The following SEZ6 variants were observed in gnomAD, a reference collection of about 807,000 sequenced individuals.
The protein encoded by SEZ6 is seizure related 6 homolog, also known as seizure protein 6 homolog.
A neutral mutation model predicts 101.0 loss-of-function variants in SEZ6; 53 were observed. That is an observed-to-expected ratio of 0.52 (90% confidence interval 0.42 to 0.66). The LOEUF (loss-of-function observed/expected upper bound fraction) is 0.66. Ranked by LOEUF, SEZ6 falls within the 30% of genes least tolerant of loss-of-function variation. SEZ6 has a pLI of 0.00. For synonymous variants in SEZ6, 488 were observed against 512.2 expected (o/e 0.95, Z 0.64); for missense variants, 1,102 against 1,289.4 (o/e 0.85, Z 2.23).
At chr17:28,957,567 T>C (rs982304306) in intron 11 of SEZ6, 28 bp from the exon 12 acceptor site, 2 of 1,597,662 alleles carry the variant, frequency 1.3e-6, no homozygotes, top group Non-Finnish European at 1.7e-6. Flanking sequence ...TGGGGAGAAG[T>C]AGCCCAAGGA....
chr17:28,963,216 C>G (rs1440833194), intron 5 of SEZ6, among the ~76,000 whole-genome samples: 4 of 152,144 alleles, frequency 2.6e-5, no homozygotes, highest in African/African-American at 9.7e-5. Flanking sequence ...TTTTCATTGG[C>G]AGCAATCCCA....
At position 28,957,260 on chromosome 17, in the gene SEZ6, T is replaced by G; in HGVS notation, c.2495-18A>C. On this transcript the variant is annotated intron_variant, in intron 12 of 16. Transcript: ENST00000317338. ...CTGTTCCACTACAAAGCAGGCAGAG[T>G]GCAGTGAGGGTGTCATGCCCTTGGC... The G allele has an allele frequency of 6.2e-7, 1 of 1,613,688 alleles. No homozygotes were observed. The highest frequency in any genetic ancestry group is 8.5e-7 in the Non-Finnish European group (1 of 1,179,736).
At chr17:28,956,651 A>G (rs1354559908) in intron 14 of SEZ6, 68 bp downstream of exon 14, 2 of 1,546,928 alleles carry the variant, frequency 1.3e-6, no homozygotes, top group African/African-American at 2.7e-5. Context: ...TGGGAAGCCC[A>G]TGACCTGGGA....
chr17:28,971,579 G>A (rs558607754), intron 3 of SEZ6, among the ~76,000 whole-genome samples: 12 of 151,770 alleles, frequency 7.9e-5, no homozygotes, highest in African/African-American at 2.7e-4. Flanking sequence ...GACAACAAAA[G>A]CGAAACTCCA....
At chr17:28,960,322 G>A in intron 7 of SEZ6, 183 bp downstream of exon 7, 1 of 767,708 alleles carries the variant, frequency 1.3e-6, no homozygotes, top group Non-Finnish European at 2.1e-6. Flanking sequence ...GCAAAGCTGT[G>A]GTAGGGATCC....
chr17:28,992,631 C>T (rs549158370), intron 1 of SEZ6, among the ~76,000 whole-genome samples: 16 of 152,332 alleles, frequency 1.1e-4, no homozygotes, highest in Admixed American at 5.9e-4. Context: ...TGACCTGACC[C>T]GCCCCAGGGC....
chr17:28,979,600 T>G, intron 3 of SEZ6, 80 bp downstream of exon 3: 1 of 1,592,628 alleles, frequency 6.3e-7, no homozygotes, highest in Non-Finnish European at 8.6e-7. Flanking sequence ...CATCCCCACA[T>G]CCTCTCATAG....
At chr17:28,985,239 C>G (rs2041363190) in intron 1 of SEZ6, among the ~76,000 whole-genome samples, 1 of 152,240 alleles carries the variant, frequency 6.6e-6, no homozygotes, top group Non-Finnish European at 1.5e-5. Context: ...GGCACGGACT[C>G]GTCGAAGATC....
intron 4 of SEZ6, among the ~76,000 whole-genome samples, chr17:28,966,494 A>G (rs1439470607): frequency 4.6e-5 from 7 of 152,114 alleles, no homozygotes. Context: ...AAAAAAAGTG[A>G]AGATCCTGGC....
rs773286297 is a variant in SEZ6, at chr17:28,958,010, A to G, written c.2239T>C (p.Ser747Pro). ...QCYPGYQVVG[S>P]SVLMCQWDLT... ...TCCCACTGGCACATGAGGACACTGGATCCCACTACCTGGTAGCCAGGGTAG... is the reference window on the plus strand; with the variant it reads ...TCCCACTGGCACATGAGGACACTGGGTCCCACTACCTGGTAGCCAGGGTAG... The change falls in exon 11 of 17, where the codon TCC (serine) becomes CCC (proline). Residue 747 changes from serine to proline, a missense_variant. By Grantham distance (74) the Ser-to-Pro change is moderately conservative. This residue lies in a region of SEZ6 where 556 missense variants were observed against 735.1 expected (regional missense o/e 0.76). Coordinates refer to ENST00000317338, the MANE Select transcript of SEZ6 (RefSeq NM_178860.5). 2.5e-6 allele frequency: 4 copies of G among 1,613,850 alleles called. No individual in the cohort carries two copies. The highest frequency in any genetic ancestry group is 2.5e-6 in the Non-Finnish European group (3 of 1,179,862).
intron 1 of SEZ6, among the ~76,000 whole-genome samples, chr17:28,992,553 A>G (rs1271660040): frequency 6.6e-6 from 1 of 152,136 alleles, no homozygotes; most frequent in African/African-American, 2.4e-5. Flanking sequence ...ACCCCCCAAA[A>G]GAAGGGATAT....
At chr17:28,992,489 G>C (rs1287000068) in intron 1 of SEZ6, among the ~76,000 whole-genome samples, 1 of 152,134 alleles carries the variant, frequency 6.6e-6, no homozygotes, top group South Asian at 2.1e-4. Context: ...CCTGCCCAAG[G>C]ATGCCACACC....
chr17:28,973,869 C>G (rs1329204809), intron 3 of SEZ6, among the ~76,000 whole-genome samples: 1 of 152,172 alleles, frequency 6.6e-6, no homozygotes, highest in African/African-American at 2.4e-5. Context: ...GGGGGCCAGG[C>G]AGGGGGAAGA....
Position 28,957,088 on chromosome 17 carries a change from C to T in SEZ6, c.2649G>A (p.Gly883=), listed in dbSNP as rs371674392. The change falls in exon 13 of 17, where the codon GGG becomes GGA. Residue 883 remains glycine (G), a synonymous_variant. Transcript: ENST00000317338. The part of the protein sequence containing the change: ...KGQASIKCVP[G]HPSHWSDPPP... Reference sequence around the variant, plus strand: ...GGGGGTCACTCCAATGCGAGGGGTGCCCAGGCACACACTTGATGCTGGCCT... The same window carrying T: ...GGGGGTCACTCCAATGCGAGGGGTGTCCAGGCACACACTTGATGCTGGCCT... 5.0e-5 allele frequency: 80 copies of T among 1,609,942 alleles called. No homozygotes were observed. The African/African-American group carries it at 9.2e-4, about 19-fold the overall frequency.
At chr17:28,995,353 G>A (rs1288710071) in intron 1 of SEZ6, among the ~76,000 whole-genome samples, 1 of 152,016 alleles carries the variant, frequency 6.6e-6, no homozygotes, top group Non-Finnish European at 1.5e-5. Context: ...TATGTGGGGG[G>A]GGGTGCATTA....
In SEZ6 at chr17:29,005,579, G is replaced by A. The variant is rs1391763183; in HGVS notation, c.55+236C>T. 6.6e-6 allele frequency among the ~76,000 whole-genome samples: 1 copy of A among 152,058 alleles called. No homozygotes were observed. The highest frequency in any genetic ancestry group is 1.5e-5 in the Non-Finnish European group (1 of 68,002). On this transcript the variant is annotated intron_variant, in intron 1 of 16. Transcript: ENST00000317338. This position sits in a 1 kb window ranked among gnomAD's most constrained non-coding sequence, Gnocchi z 4.8. The stretch of plus-strand genomic sequence containing the variant: ...ATCAGAGAAATCCCATTAGATCTGG[G>A]GAGATGATTAAAGACGAGGTCTCGG...
intron 1 of SEZ6, among the ~76,000 whole-genome samples, chr17:28,987,827 A>G (rs147874966): frequency 7.2e-5 from 11 of 152,194 alleles, no homozygotes; most frequent in African/African-American, 2.2e-4. Flanking sequence ...CAGAATGGTT[A>G]TGTAACTTGT....
At chr17:28,966,277 G>A (rs1453740507) in intron 4 of SEZ6, among the ~76,000 whole-genome samples, 1 of 147,130 alleles carries the variant, frequency 6.8e-6, no homozygotes, top group Non-Finnish European at 1.5e-5. Flanking sequence ...TCAGGAGTTC[G>A]AGACCAGCTA....
At chr17:29,004,767 C>T (rs538486809) in intron 1 of SEZ6, among the ~76,000 whole-genome samples, 2 of 152,154 alleles carry the variant, frequency 1.3e-5, no homozygotes, top group African/African-American at 2.4e-5. Context: ...CCTACTGCAG[C>T]GGGAGAAGGA....
Sources: allele counts gnomAD v4.1 joint callset (sites outside exome capture counted in the v4.1 genomes callset), GRCh38; gene constraint gnomAD v4.1.1; regional missense constraint gnomAD v4.1.1; non-coding constraint Gnocchi (gnomAD v3.1); transcripts MANE v1.5; gene names NCBI Gene and HGNC (gene_info 2026-07-23, HGNC 2026-07-21).